DLG2: variants seen among roughly 807,000 people sequenced by gnomAD.
DLG2 encodes the protein disks large homolog 2.
DLG2 carries 45 observed loss-of-function variants against 132.5 expected under a neutral mutation model. The observed-to-expected ratio is 0.34, with a 90% CI of 0.27 to 0.44. DLG2 has a LOEUF of 0.44. Among genes scored for constraint, DLG2 ranks in the 20% least tolerant of loss-of-function variants. The probability of loss-of-function intolerance (pLI) is 1.00; values close to 1 mark genes in which losing one functional copy is unlikely to be tolerated. For missense variants in DLG2, 1,045 were observed against 1,196.9 expected (o/e 0.87, Z 1.87); for synonymous variants, 424 against 419.6 (o/e 1.01, Z -0.13).
intron 3 of DLG2, among the ~76,000 whole-genome samples, chr11:85,425,190 A>G (rs949158171): frequency 6.6e-6 from 1 of 152,242 alleles, no homozygotes; most frequent in Admixed American, 6.5e-5. Flanking sequence ...AAAGCAGAAC[A>G]TCTCAAAGAA....
At chr11:83,580,280 C>G (rs766645302) in intron 19 of DLG2, among the ~76,000 whole-genome samples, 2 of 151,886 alleles carry the variant, frequency 1.3e-5, no homozygotes, top group Non-Finnish European at 2.9e-5. Context: ...AAAATATATG[C>G]CCATGGTTAA....
intron 6 of DLG2, among the ~76,000 whole-genome samples, chr11:84,864,259 C>T (rs1176686708): frequency 6.6e-6 from 1 of 152,084 alleles, no homozygotes; most frequent in African/African-American, 2.4e-5. Context: ...TCTGACCAGG[C>T]AAGAATTTAT....
chr11:85,589,914 T>C (rs534500662), intron 3 of DLG2, among the ~76,000 whole-genome samples: 1 of 152,274 alleles, frequency 6.6e-6, no homozygotes, highest in East Asian at 1.9e-4. Flanking sequence ...GTCAAAATTA[T>C]TGTAAAAATC....
At chr11:85,328,672 T>A (rs907885361) in intron 3 of DLG2, among the ~76,000 whole-genome samples, 8 of 150,486 alleles carry the variant, frequency 5.3e-5, no homozygotes, top group Non-Finnish European at 1.0e-4. Flanking sequence ...AATATCATAC[T>A]GAATGGGCAA....
intron 12 of DLG2, among the ~76,000 whole-genome samples, chr11:83,980,068 C>T (rs1419715405): frequency 3.3e-5 from 5 of 152,042 alleles, no homozygotes; most frequent in African/African-American, 1.2e-4. Flanking sequence ...ATTGTGGACC[C>T]CTCACAAAAT....
chr11:85,069,125 T>C (rs995912430), intron 6 of DLG2, among the ~76,000 whole-genome samples: 3 of 151,746 alleles, frequency 2.0e-5, no homozygotes, highest in African/African-American at 4.8e-5. Flanking sequence ...CTGGATCCCC[T>C]CCTTACACTT....
At chr11:85,440,085 ATAATATGAC>A (rs2091701639) in intron 3 of DLG2, among the ~76,000 whole-genome samples, 2 of 152,238 alleles carry the variant, frequency 1.3e-5, no homozygotes, top group African/African-American at 4.8e-5. Context: ...CTATAAAATT[ATAATATGAC>A]TAATATTTAC....
At chr11:85,136,693 T>C (rs952162074) in intron 5 of DLG2, among the ~76,000 whole-genome samples, 9 of 152,184 alleles carry the variant, frequency 5.9e-5, no homozygotes, top group African/African-American at 1.9e-4. Flanking sequence ...ACTAAACCTG[T>C]ACCTTAACCA....
intron 10 of DLG2, among the ~76,000 whole-genome samples, chr11:84,070,352 C>T (rs538660027): frequency 6.6e-6 from 1 of 152,284 alleles, no homozygotes; most frequent in South Asian, 2.1e-4. Flanking sequence ...CAAGTTCACA[C>T]TCCATAGCCC....
intron 6 of DLG2, among the ~76,000 whole-genome samples, chr11:84,882,657 T>A (rs2087537235): frequency 6.6e-6 from 1 of 152,104 alleles, no homozygotes; most frequent in South Asian, 2.1e-4. Context: ...TTTTTAAAAA[T>A]GTTTTCGGTA....
chr11:83,946,293 C>G (rs1373498521), intron 14 of DLG2, among the ~76,000 whole-genome samples: 2 of 152,142 alleles, frequency 1.3e-5, no homozygotes, highest in East Asian at 3.9e-4. Flanking sequence ...CAGCCAACTT[C>G]TGGTAATATG....
chr11:84,746,532 C>T (rs1205314481), intron 6 of DLG2, among the ~76,000 whole-genome samples: 1 of 151,520 alleles, frequency 6.6e-6, no homozygotes, highest in Non-Finnish European at 1.5e-5. Context: ...AGACAAGTCA[C>T]TTAACTCTGA....
chr11:84,609,645 A>C (rs1395121797), intron 6 of DLG2, among the ~76,000 whole-genome samples: 1 of 152,152 alleles, frequency 6.6e-6, no homozygotes, highest in Non-Finnish European at 1.5e-5. Flanking sequence ...TATGTATAAA[A>C]ATTGGAAAAT....
chr11:83,936,053 G>A (rs2081358952), intron 14 of DLG2, among the ~76,000 whole-genome samples: 1 of 152,162 alleles, frequency 6.6e-6, no homozygotes, highest in South Asian at 2.1e-4. Flanking sequence ...AGACACTCGA[G>A]CTCACAAGGA....
At chr11:83,523,836 A>AG (rs1266029872) in intron 21 of DLG2, among the ~76,000 whole-genome samples, 1 of 152,176 alleles carries the variant, frequency 6.6e-6, no homozygotes, top group Admixed American at 6.5e-5. Flanking sequence ...TGGCAGGGGC[A>AG]GGGGGCGGGG....
At chr11:83,960,969 G>A (rs2088558382) in intron 14 of DLG2, among the ~76,000 whole-genome samples, 1 of 151,906 alleles carries the variant, frequency 6.6e-6, no homozygotes, top group Admixed American at 6.6e-5. Flanking sequence ...TGTCCTCTAG[G>A]GGAACAGGAA....
chr11:84,335,312 C>T (rs1330700824), intron 7 of DLG2, among the ~76,000 whole-genome samples: 1 of 151,816 alleles, frequency 6.6e-6, no homozygotes, highest in Non-Finnish European at 1.5e-5. Context: ...AACATGGCTT[C>T]AGAAGTAATA....
intron 2 of DLG2, among the ~76,000 whole-genome samples, chr11:85,620,337 G>A (rs2081612206): frequency 6.6e-6 from 1 of 152,060 alleles, no homozygotes; most frequent in African/African-American, 2.4e-5. Context: ...CCTATTCCTG[G>A]AGACACAACA....
At chr11:85,560,975 T>G (rs573864846) in intron 3 of DLG2, among the ~76,000 whole-genome samples, 1 of 151,506 alleles carries the variant, frequency 6.6e-6, no homozygotes, top group Non-Finnish European at 1.5e-5. Flanking sequence ...AAGGCTGCAG[T>G]GAGCTGTGAT....
Sources: allele counts gnomAD v4.1 joint callset (sites outside exome capture counted in the v4.1 genomes callset), GRCh38; gene constraint gnomAD v4.1.1; transcripts MANE v1.5; gene names NCBI Gene and HGNC (gene_info 2026-07-23, HGNC 2026-07-21).